SARM1: variants seen among roughly 807,000 people sequenced by gnomAD.
SARM1 encodes the protein NAD(+) hydrolase SARM1.
Under a neutral mutation model 65.1 loss-of-function variants are expected in SARM1, and 60 were observed. That is an observed-to-expected ratio of 0.92 (90% CI 0.75 to 1.14). The LOEUF (loss-of-function observed/expected upper bound fraction) is 1.14. Ranked by LOEUF, SARM1 falls within the 50% of genes most tolerant of loss-of-function variation. The pLI, the probability that SARM1 is intolerant of heterozygous loss-of-function variation, is 0.00. For synonymous variants in SARM1, 417 were observed against 465.4 expected (o/e 0.90, Z 1.34); for missense variants, 913 against 1,015.7 (o/e 0.90, Z 1.37).
In SARM1 at chr17:28,400,943, A is replaced by G; in HGVS notation, c.*4657A>G. The G allele has an allele frequency of 1.5e-6, 1 of 654,164 alleles. No homozygotes were observed. Among genetic ancestry groups the G allele is most frequent in the Admixed American group, 2.2e-5 (1 of 45,240 alleles). The allele number at this position is 654,164 out of a possible 1,614,324, so 40.5% of individuals were successfully genotyped here. ...AAGGATTCAGTAAGGTCATATGTGG[A>G]CAGTAGCTGGCACAGAGGGGCTACT... On this transcript the variant is annotated 3_prime_UTR_variant, in exon 9 of 9. Coordinates refer to ENST00000585482, the MANE Select transcript of SARM1 (RefSeq NM_015077.4).
At chr17:28,391,707 C>CAAA (rs1206857097) in intron 7 of SARM1, among the ~76,000 whole-genome samples, 8 of 56,794 alleles carry the variant, frequency 1.4e-4, no homozygotes, top group East Asian at 5.5e-4. Flanking sequence ...GCAATTGCAC[C>CAAA]AAAAAAAAAA....
chr17:28,388,288 C>A lies in SARM1; in HGVS notation c.1733+12C>A, dbSNP rs782534777. 4.5e-6 allele frequency: 7 copies of A among 1,557,464 alleles called. No individual in the cohort carries two copies. The highest frequency in any genetic ancestry group is 4.8e-5 in the East Asian group (2 of 41,766). On this transcript the variant is annotated intron_variant, in intron 6 of 8. Coordinates refer to ENST00000585482, the MANE Select transcript of SARM1 (RefSeq NM_015077.4). Reference sequence around the variant, plus strand: ...TCCCAGCTGGCCAGGTGAGGAGGGGCGGGCGGGCAGCGACGGGGCGTGGGG... The same window carrying A: ...TCCCAGCTGGCCAGGTGAGGAGGGGAGGGCGGGCAGCGACGGGGCGTGGGG...
intron 5 of SARM1, 92 bp from the exon 6 acceptor site, chr17:28,388,082 G>T (rs1555586281): frequency 2.0e-6 from 2 of 1,015,100 alleles, no homozygotes; most frequent in East Asian, 2.6e-5. Context: ...AGGGCTTGGT[G>T]GACTGGGGAC....
At chr17:28,388,792 G>A (rs1370620205) in intron 7 of SARM1, among the ~76,000 whole-genome samples, 1 of 146,890 alleles carries the variant, frequency 6.8e-6, no homozygotes, top group African/African-American at 2.5e-5. Flanking sequence ...TGTTTTTGAG[G>A]TAGAGTCTCG....
intron 1 of SARM1, among the ~76,000 whole-genome samples, chr17:28,377,259 A>AT (rs1248564713): frequency 8.5e-5 from 13 of 152,108 alleles, no homozygotes; most frequent in African/African-American, 3.1e-4. Flanking sequence ...TGGGCATGTC[A>AT]TGTACCCTCT....
chr17:28,388,241 C>G lies in SARM1; in HGVS notation c.1698C>G (p.Ile566Met). ...KPSGDTPDVF[I>M]SYRRNSGSQL... Reference sequence around the variant, plus strand: ...GTGGGGACACTCCAGATGTCTTCATCAGCTACCGCCGGAACTCAGGTTCCC... The same window carrying G: ...GTGGGGACACTCCAGATGTCTTCATGAGCTACCGCCGGAACTCAGGTTCCC... The change falls in exon 6 of 9, where the codon ATC (isoleucine) becomes ATG (methionine). Residue 566 changes from isoleucine (I) to methionine (M), a missense_variant. Physicochemically the swap from Ile to Met is conservative, Grantham distance 10. Around this residue, in one of 3 missense-constraint regions of SARM1, gnomAD observed 862 missense variants for 952.1 expected, o/e 0.91. Coordinates refer to ENST00000585482, the MANE Select transcript of SARM1 (RefSeq NM_015077.4). The G allele has an allele frequency of 6.4e-7, 1 of 1,551,912 alleles. No homozygotes were observed. The highest frequency in any genetic ancestry group is 8.7e-7 in the Non-Finnish European group (1 of 1,147,942).
chr17:28,395,043 T>G (rs1555587461), intron 7 of SARM1: 1 of 150,878 alleles, frequency 6.6e-6, no homozygotes, highest in Non-Finnish European at 1.5e-5. Flanking sequence ...TAGGTGGAAG[T>G]TGCAGCTGCA....
In SARM1 at chr17:28,384,719, C is replaced by A; in HGVS notation, c.1303-120C>A. 1 of 1,212,254 alleles carries A rather than the reference C, an allele frequency of 8.2e-7. No homozygotes were observed. The highest frequency in any genetic ancestry group is 1.2e-6 in the Non-Finnish European group (1 of 850,794). 75.1% of individuals were successfully genotyped at this position (1,212,254 alleles called of 1,614,324 possible). On this transcript the variant is annotated intron_variant, in intron 3 of 8. Transcript: ENST00000585482. This position sits in a 1 kb window ranked among gnomAD's most constrained non-coding sequence, Gnocchi z 4.4. ...CGCAGCCACCGTTAGGGTCACTCGG[C>A]TCTGATCTAGGTCCCATCCGCCTCC...
chr17:28,377,281 T>G (rs2067997553), intron 1 of SARM1, among the ~76,000 whole-genome samples: 1 of 152,042 alleles, frequency 6.6e-6, no homozygotes, highest in Admixed American at 6.6e-5. Context: ...TGAGTTTTGG[T>G]TTTCTCATTG....
intron 5 of SARM1, among the ~76,000 whole-genome samples, chr17:28,387,565 A>T (rs2068058379): frequency 6.6e-6 from 1 of 152,148 alleles, no homozygotes; most frequent in African/African-American, 2.4e-5. Context: ...GCCATTGAGG[A>T]GGCTGGCATT....
intron 1 of SARM1, among the ~76,000 whole-genome samples, chr17:28,378,645 T>C (rs987950107): frequency 1.3e-5 from 2 of 152,118 alleles, no homozygotes; most frequent in African/African-American, 4.8e-5. Context: ...TGTTTTTTGT[T>C]TTTTGGGTTT....
intron 1 of SARM1, among the ~76,000 whole-genome samples, chr17:28,379,797 A>G (rs1186868918): frequency 6.6e-6 from 1 of 152,230 alleles, no homozygotes; most frequent in African/African-American, 2.4e-5. Flanking sequence ...TTGAGCAGAC[A>G]TTGGAATGAC....
intron 1 of SARM1, chr17:28,373,514 T>TA (rs1555584297): frequency 6.6e-6 from 1 of 152,216 alleles, no homozygotes; most frequent in Non-Finnish European, 1.5e-5. Context: ...GGTGGAAAGA[T>TA]ACAACTGTCA....
At chr17:28,389,783 G>A (rs1249891842) in intron 7 of SARM1, among the ~76,000 whole-genome samples, 1 of 152,210 alleles carries the variant, frequency 6.6e-6, no homozygotes, top group Admixed American at 6.5e-5. Context: ...AGCTACTCAG[G>A]AGACTGAGGC....
intron 1 of SARM1, chr17:28,374,037 C>CCT (rs2067973525): frequency 2.0e-5 from 3 of 151,312 alleles, no homozygotes; most frequent in Middle Eastern, 3.4e-3. Context: ...GAGGCCCAGG[C>CCT]GGGTGGATCA....
In SARM1 at chr17:28,399,800, G is replaced by A. The variant is rs1355632216; in HGVS notation, c.*3514G>A. The A allele has an allele frequency of 9.7e-6, 14 of 1,440,976 alleles. No individual in the cohort carries two copies. Among genetic ancestry groups the A allele is most frequent in the Non-Finnish European group, 1.4e-5 (14 of 1,026,404 alleles). 89.3% of individuals were successfully genotyped at this position (1,440,976 alleles called of 1,614,324 possible). A position where few individuals can be genotyped will look rare whatever the true frequency, so the allele number is the denominator to read the frequency against. On this transcript the variant is annotated 3_prime_UTR_variant, in exon 9 of 9. Coordinates refer to ENST00000585482, the MANE Select transcript of SARM1 (RefSeq NM_015077.4). ...GAAGTGACACAGGATTTACTGGGGTGGGCTGGTCCAGGTAGCTCTCCTGAA... is the reference window on the plus strand; with the variant it reads ...GAAGTGACACAGGATTTACTGGGGTAGGCTGGTCCAGGTAGCTCTCCTGAA...
chr17:28,387,267 C>T (rs1164176649), intron 5 of SARM1, among the ~76,000 whole-genome samples: 1 of 149,328 alleles, frequency 6.7e-6, no homozygotes. Context: ...GAGTCTCACT[C>T]TGTCGCCCAG....
rs2068202763 is a variant in SARM1, at chr17:28,402,115, CACTT to C, written c.*5834_*5837del. On this transcript the variant is annotated 3_prime_UTR_variant, in exon 9 of 9. Coordinates refer to ENST00000585482, the MANE Select transcript of SARM1 (RefSeq NM_015077.4). ...TTCACAGAAATGTGTTTGTTTTGGC[CACTT>C]ACTTCTCCAGGGTGAGAGGGGGGAA... The C allele has an allele frequency of 6.5e-6, 5 of 766,442 alleles. No homozygotes were observed. Among genetic ancestry groups the C allele is most frequent in the South Asian group, 4.2e-5 (2 of 48,122 alleles). The allele number at this position is 766,442 out of a possible 1,614,324, so 47.5% of individuals were successfully genotyped here. A position where few individuals can be genotyped will look rare whatever the true frequency, so the allele number is the denominator to read the frequency against.
In SARM1 at chr17:28,399,577, C is replaced by T. The variant is rs116665535; in HGVS notation, c.*3291C>T. On this transcript the variant is annotated 3_prime_UTR_variant, in exon 9 of 9. Coordinates refer to ENST00000585482, the MANE Select transcript of SARM1 (RefSeq NM_015077.4). ...CAAGAGTTGCTTGTCCTGCTGTGGG[C>T]TGGGCTTCCAGCTGCAGACCTCCAG... is the stretch of plus-strand genomic sequence containing the variant. 1.2e-4 allele frequency: 179 copies of T among 1,475,524 alleles called. No homozygotes were observed. The African/African-American group carries it at 2.2e-3, about 18-fold the overall frequency. 91.4% of individuals were successfully genotyped at this position (1,475,524 alleles called of 1,614,324 possible).
Sources: gnomAD v4.1 joint callset for allele counts (sites outside exome capture counted in the v4.1 genomes callset) on GRCh38, gnomAD v4.1.1 for gene constraint, gnomAD v4.1.1 regional missense constraint, Gnocchi (gnomAD v3.1) non-coding constraint, MANE v1.5 for transcripts, NCBI Gene and HGNC (gene_info 2026-07-23, HGNC 2026-07-21) for gene names.